Variants in SMYD3 observed in about 807,000 individuals in gnomAD.
The protein encoded by SMYD3 is SET and MYND domain containing 3, also known as histone-lysine N-methyltransferase SMYD3.
In SMYD3, 36 loss-of-function variants were observed where a neutral mutation model predicts 57.7. The observed-to-expected ratio is 0.62, with a 90% CI of 0.48 to 0.82. SMYD3 has a LOEUF of 0.82. Ranked by LOEUF, SMYD3 falls within the 40% of genes least tolerant of loss-of-function variation. The pLI, the probability that SMYD3 is intolerant of heterozygous loss-of-function variation, is 0.00. For synonymous variants in SMYD3, 211 were observed against 195.0 expected, an observed-to-expected ratio of 1.08 and a Z score of -0.68; for missense variants, 515 against 538.8, an observed-to-expected ratio of 0.96 and a Z score of 0.44.
chr1:245,960,662 G>A (rs569482770), intron 5 of SMYD3, among the ~76,000 whole-genome samples: 1 of 152,254 alleles, frequency 6.6e-6, no homozygotes, highest in Admixed American at 6.5e-5. Context: ...GGGAGGTGGA[G>A]GTTGCAGTGA....
At chr1:246,193,358 A>T (rs1398916419) in intron 5 of SMYD3, among the ~76,000 whole-genome samples, 2 of 152,240 alleles carry the variant, frequency 1.3e-5, no homozygotes, top group Non-Finnish European at 2.9e-5. Flanking sequence ...CTTGTCCATA[A>T]AAAGCAAAAT....
intron 5 of SMYD3, among the ~76,000 whole-genome samples, chr1:246,233,589 T>A (rs2063460060): frequency 9.0e-6 from 1 of 111,034 alleles, no homozygotes; most frequent in Non-Finnish European, 1.9e-5. Flanking sequence ...GAAGCACTCC[T>A]CAATTCACAC....
intron 5 of SMYD3, among the ~76,000 whole-genome samples, chr1:246,046,910 A>C (rs963138442): frequency 6.6e-6 from 1 of 151,838 alleles, no homozygotes; most frequent in Admixed American, 6.6e-5. Context: ...AAAAGTAGCA[A>C]CTTATATCAA....
chr1:246,374,498 G>C (rs1202483466), intron 1 of SMYD3, among the ~76,000 whole-genome samples: 2 of 151,988 alleles, frequency 1.3e-5, no homozygotes, highest in African/African-American at 4.8e-5. Context: ...CATTTTTCTC[G>C]ATTTGACTGT....
chr1:246,200,408 T>A (rs1470874531), intron 5 of SMYD3, among the ~76,000 whole-genome samples: 1 of 148,204 alleles, frequency 6.7e-6, no homozygotes, highest in Non-Finnish European at 1.5e-5. Flanking sequence ...TGAGCAAGAA[T>A]GTAAACAGAC....
chr1:245,820,216 C>T (rs1401829976), intron 10 of SMYD3, among the ~76,000 whole-genome samples: 3 of 150,790 alleles, frequency 2.0e-5, no homozygotes, highest in Non-Finnish European at 4.5e-5. Flanking sequence ...TGGGTTTCAT[C>T]CCTGGGATGC....
At chr1:245,793,127 G>A (rs1453284069) in intron 10 of SMYD3, among the ~76,000 whole-genome samples, 8 of 147,302 alleles carry the variant, frequency 5.4e-5, no homozygotes, top group Non-Finnish European at 7.5e-5. Flanking sequence ...GGCTAACACG[G>A]TGAAACCCCG....
intron 5 of SMYD3, among the ~76,000 whole-genome samples, chr1:246,214,403 C>G (rs1255783847): frequency 6.6e-6 from 1 of 151,976 alleles, no homozygotes; most frequent in East Asian, 1.9e-4. Context: ...GAAAAATGAA[C>G]AGAACTGTCA....
intron 1 of SMYD3, among the ~76,000 whole-genome samples, chr1:246,390,742 T>C (rs1313406019): frequency 6.6e-6 from 1 of 152,168 alleles, no homozygotes; most frequent in Non-Finnish European, 1.5e-5. Flanking sequence ...CATTGAAATC[T>C]GATTTGTATT....
At chr1:245,955,369 C>T (rs750774004) in intron 5 of SMYD3, among the ~76,000 whole-genome samples, 1 of 152,110 alleles carries the variant, frequency 6.6e-6, no homozygotes, top group African/African-American at 2.4e-5. Flanking sequence ...TGAGCCACCG[C>T]GCCTGGCCGC....
chr1:246,362,448 TCTCCC>T (rs2066004737), intron 1 of SMYD3, among the ~76,000 whole-genome samples: 2 of 1,234 alleles, frequency 1.6e-3, no homozygotes, highest in East Asian at 0.071. Flanking sequence ...ACGGTCTCCC[TCTCCC>T]TCTCCCTCTC....
intron 5 of SMYD3, among the ~76,000 whole-genome samples, chr1:246,275,777 T>C (rs569275533): frequency 1.3e-5 from 2 of 152,032 alleles, no homozygotes; most frequent in African/African-American, 4.8e-5. Context: ...TAACTCTGTT[T>C]TTTCACTAGC....
chr1:246,315,266 G>C (rs1308658131), intron 5 of SMYD3, among the ~76,000 whole-genome samples: 1 of 152,102 alleles, frequency 6.6e-6, no homozygotes, highest in African/African-American at 2.4e-5. Context: ...TAAGAAAAAA[G>C]GACAGACAAC....
At chr1:246,169,577 G>C (rs2062291086) in intron 5 of SMYD3, among the ~76,000 whole-genome samples, 1 of 152,060 alleles carries the variant, frequency 6.6e-6, no homozygotes, top group Non-Finnish European at 1.5e-5. Context: ...AATAACAATG[G>C]ATAGCACTGG....
chr1:245,927,827 A>G, intron 7 of SMYD3, 104 bp downstream of exon 7: 1 of 807,434 alleles, frequency 1.2e-6, no homozygotes, highest in Non-Finnish European at 2.0e-6. Flanking sequence ...CAGAAGGACA[A>G]TGAAAAGTTG....
intron 5 of SMYD3, among the ~76,000 whole-genome samples, chr1:246,187,956 C>T (rs2062670327): frequency 6.6e-6 from 1 of 151,908 alleles, no homozygotes; most frequent in South Asian, 2.1e-4. Context: ...CTCACGTGCA[C>T]TGAGGGCCGT....
At chr1:246,502,041 C>G (rs2068463549) in intron 1 of SMYD3, among the ~76,000 whole-genome samples, 1 of 152,116 alleles carries the variant, frequency 6.6e-6, no homozygotes, top group South Asian at 2.1e-4. Flanking sequence ...CAGTCCTTGG[C>G]CAAGAGACAT....
At chr1:246,326,425 G>T in intron 5 of SMYD3, 1 of 680,110 alleles carries the variant, frequency 1.5e-6, no homozygotes, top group African/African-American at 1.8e-5. Context: ...ATCAATCATC[G>T]CACTCTTCCT....
chr1:246,457,740 C>T (rs1162020468), intron 1 of SMYD3, among the ~76,000 whole-genome samples: 5 of 152,104 alleles, frequency 3.3e-5, no homozygotes, highest in Non-Finnish European at 5.9e-5. Context: ...ACAAGCTGTG[C>T]GTACAGCAGA....
Sources: gnomAD v4.1 joint callset for allele counts (sites outside exome capture counted in the v4.1 genomes callset) on GRCh38, gnomAD v4.1.1 for gene constraint, MANE v1.5 for transcripts, NCBI Gene and HGNC (gene_info 2026-07-23, HGNC 2026-07-21) for gene names.